ATG4B: variants seen among roughly 807,000 people sequenced by gnomAD.
ATG4B encodes the protein autophagy related 4B cysteine peptidase.
A neutral mutation model predicts 56.6 loss-of-function variants in ATG4B; 29 were observed. The ratio of observed to expected loss-of-function variants is 0.51; its 90% CI spans 0.38 to 0.70. The LOEUF (loss-of-function observed/expected upper bound fraction) is 0.70, where lower values mean the gene tolerates loss of function less well. Ranked by LOEUF, ATG4B falls within the 30% of genes least tolerant of loss-of-function variation. ATG4B has a pLI of 0.00. For synonymous variants in ATG4B, 224 were observed against 206.1 expected, an observed-to-expected ratio of 1.09 and a Z score of -0.74; for missense variants, 461 against 515.5, an observed-to-expected ratio of 0.89 and a Z score of 1.02.
chr2:241,653,105 C>A (rs529426874), intron 3 of ATG4B, among the ~76,000 whole-genome samples: 24 of 152,354 alleles, frequency 1.6e-4, no homozygotes, highest in African/African-American at 5.8e-4. Context: ...GAGTTGCTGC[C>A]CTTGCGGCCC....
chr2:241,652,231 G>A (rs1346049925), intron 3 of ATG4B, among the ~76,000 whole-genome samples: 1 of 152,256 alleles, frequency 6.6e-6, no homozygotes, highest in Non-Finnish European at 1.5e-5. Context: ...TGTCAGATGT[G>A]CCCTGGGAAT....
intron 1 of ATG4B, among the ~76,000 whole-genome samples, chr2:241,649,784 CTT>C (rs111624909): frequency 5.8e-5 from 8 of 137,484 alleles, no homozygotes; most frequent in Admixed American, 1.5e-4. Context: ...TTTTCTTTTT[CTT>C]TTTTTTTTTT....
chr2:241,653,995 A>G (rs2068306926), intron 4 of ATG4B, among the ~76,000 whole-genome samples: 1 of 150,810 alleles, frequency 6.6e-6, no homozygotes, highest in South Asian at 2.1e-4. Flanking sequence ...TATCTGAAAA[A>G]AAAAAAAAAA....
rs1294512336 is a variant in ATG4B at position 241,670,750 on chromosome 2, G to T, written c.982G>T (p.Asp328Tyr). ...GGGGTTTTTCTGTAAGACTGAAGAT[G>T]ACTTCAATGATTGGTGCCAGCAAGT... ...AVGFFCKTED[D>Y]FNDWCQQVKK... is the part of the protein sequence containing the mutation. The change falls in exon 11 of 13, where the codon GAC becomes TAC. Residue 328 changes from aspartate to tyrosine, a missense_variant. Transcript: ENST00000404914. 1 of 1,611,134 alleles carries T rather than the reference G, an allele frequency of 6.2e-7. No homozygotes were observed. Among genetic ancestry groups the T allele is most frequent in the Admixed American group, 1.7e-5 (1 of 59,482 alleles).
At chr2:241,643,147 A>G (rs2067953851) in intron 1 of ATG4B, among the ~76,000 whole-genome samples, 1 of 151,496 alleles carries the variant, frequency 6.6e-6, no homozygotes, top group Non-Finnish European at 1.5e-5. Context: ...GGCCTCCCAA[A>G]GTGCTGGGAT....
At chr2:241,664,023 T>G (rs771632617) in intron 7 of ATG4B, among the ~76,000 whole-genome samples, 245 of 152,310 alleles carry the variant, frequency 1.6e-3, no homozygotes, top group Non-Finnish European at 2.8e-3. Context: ...TTTCACCATG[T>G]TGGCCAGGAT....
In ATG4B at chr2:241,672,278, G is replaced by C; in HGVS notation, c.*14G>C. 1 of 1,561,144 alleles carries C rather than the reference G, an allele frequency of 6.4e-7. No homozygotes were observed. Among genetic ancestry groups the C allele is most frequent in the Non-Finnish European group, 8.7e-7 (1 of 1,151,122 alleles). ...CTGTCCCTTTGAAAATCCTGGGGTC[G>C]GGGGTGGCACCTGTGAGAGCCTGGG... On this transcript the variant is annotated 3_prime_UTR_variant, in exon 13 of 13. Coordinates refer to ENST00000404914, the MANE Select transcript of ATG4B (RefSeq NM_013325.5).
chr2:241,657,156 T>C (rs2068432120), intron 6 of ATG4B, among the ~76,000 whole-genome samples: 1 of 147,928 alleles, frequency 6.8e-6, no homozygotes, highest in African/African-American at 2.5e-5. Context: ...TTTCAATTTT[T>C]AGTAGAGATG....
intron 1 of ATG4B, among the ~76,000 whole-genome samples, chr2:241,640,236 T>C (rs2067843453): frequency 6.6e-6 from 1 of 152,244 alleles, no homozygotes; most frequent in Non-Finnish European, 1.5e-5. Context: ...AATAGGACAC[T>C]GGATGTTGCT....
intron 7 of ATG4B, among the ~76,000 whole-genome samples, chr2:241,664,704 CTG>C (rs1159066521): frequency 1.3e-5 from 2 of 152,294 alleles, no homozygotes; most frequent in Admixed American, 6.5e-5. Flanking sequence ...TGGCTCATGT[CTG>C]TAATCTCAGC....
chr2:241,643,964 C>T (rs2067988189), intron 1 of ATG4B, among the ~76,000 whole-genome samples: 1 of 152,152 alleles, frequency 6.6e-6, no homozygotes, highest in Non-Finnish European at 1.5e-5. Context: ...GAAATTATGA[C>T]AGGGGCTATG....
At chr2:241,643,686 A>T (rs1272049344) in intron 1 of ATG4B, among the ~76,000 whole-genome samples, 2 of 83,678 alleles carry the variant, frequency 2.4e-5, no homozygotes, top group Non-Finnish European at 4.2e-5. Context: ...GTGTGTATGT[A>T]TATATTTTCC....
rs111645171 is a variant in ATG4B, at chr2:241,664,025, G to A, written c.539-2620G>A. ...GGGTTTCACCATATTTCACCATGTTGGCCAGGATGGTCTTGATCTCCTGAC... is the reference window on the plus strand; with the variant it reads ...GGGTTTCACCATATTTCACCATGTTAGCCAGGATGGTCTTGATCTCCTGAC... On this transcript the variant is annotated intron_variant, in intron 7 of 12. Transcript: ENST00000404914. Among the ~76,000 whole-genome samples the A allele has an allele frequency of 6.5e-3, 982 of 152,136 alleles. 1 individual carries two copies. The highest frequency in any genetic ancestry group is 0.01 in the Middle Eastern group (3 of 292).
intron 1 of ATG4B, among the ~76,000 whole-genome samples, chr2:241,639,108 C>A (rs989785202): frequency 6.6e-6 from 1 of 152,178 alleles, no homozygotes; most frequent in Non-Finnish European, 1.5e-5. Context: ...TATGCTCAGC[C>A]CCTGGCGGGA....
chr2:241,666,061 C>T (rs1452068293), intron 7 of ATG4B, among the ~76,000 whole-genome samples: 1 of 152,258 alleles, frequency 6.6e-6, no homozygotes, highest in East Asian at 1.9e-4. Flanking sequence ...GCAGATGCTG[C>T]AGGCACCTCT....
At chr2:241,638,562 TC>T (rs1341472921) in intron 1 of ATG4B, among the ~76,000 whole-genome samples, 1 of 152,222 alleles carries the variant, frequency 6.6e-6, no homozygotes, top group African/African-American at 2.4e-5. Flanking sequence ...TTACCAAGTA[TC>T]CCCCATCTGT....
chr2:241,648,547 A>T (rs2068130953), intron 1 of ATG4B, among the ~76,000 whole-genome samples: 2 of 150,830 alleles, frequency 1.3e-5, no homozygotes, highest in African/African-American at 4.9e-5. Flanking sequence ...GTAAGCTGTG[A>T]TTACACCACT....
chr2:241,659,037 A>G lies in ATG4B; in HGVS notation c.459-71A>G, dbSNP rs560153503. The G allele has an allele frequency of 6.4e-6, 8 of 1,241,384 alleles. No homozygotes were observed. In the African/African-American group the frequency reaches 1.1e-4, roughly 16 times the overall value. 76.9% of individuals were successfully genotyped at this position (1,241,384 alleles called of 1,614,324 possible). A position where few individuals can be genotyped will look rare whatever the true frequency, so the allele number is the denominator to read the frequency against. ...CTCTAACGCGAACCCTCCTTCGCGC[A>G]GCTATAGCTGCAAAGATGAACCGTC... is the stretch of plus-strand genomic sequence containing the variant. On this transcript the variant is annotated intron_variant, in intron 6 of 12. Transcript: ENST00000404914.
At chr2:241,665,200 G>A (rs1406888382) in intron 7 of ATG4B, among the ~76,000 whole-genome samples, 1 of 152,210 alleles carries the variant, frequency 6.6e-6, no homozygotes, top group Non-Finnish European at 1.5e-5. Context: ...CTACAAAAAA[G>A]TTCAGTGAGT....
Sources: gnomAD v4.1 joint callset for allele counts (sites outside exome capture counted in the v4.1 genomes callset) on GRCh38, gnomAD v4.1.1 for gene constraint, MANE v1.5 for transcripts, NCBI Gene and HGNC (gene_info 2026-07-23, HGNC 2026-07-21) for gene names.